The following USP11 variants were observed in gnomAD, a reference collection of about 807,000 sequenced individuals.
USP11 encodes ubiquitin carboxyl-terminal hydrolase 11.
In USP11, 5 loss-of-function variants were observed where a neutral mutation model predicts 72.8. The observed-to-expected ratio is 0.07, with a 90% CI of 0.04 to 0.14. USP11 has a LOEUF of 0.14. Among genes scored for constraint, USP11 ranks in the 10% least tolerant of loss-of-function variants. The pLI is 1.00. For missense variants in USP11, 480 were observed against 794.7 expected (o/e 0.60, Z 4.76); for synonymous variants, 368 against 326.5 (o/e 1.13, Z -1.37).
chrX:47,238,802 A>G (rs868678478), intron 1 of USP11, among the ~76,000 whole-genome samples: 1 of 111,435 alleles, frequency 9.0e-6, no homozygotes, highest in African/African-American at 3.3e-5. Flanking sequence ...CTAGCACTAT[A>G]AGTATGGATT....
intron 1 of USP11, among the ~76,000 whole-genome samples, chrX:47,235,401 A>G (rs1432753561): frequency 1.2e-4 from 13 of 111,890 alleles, no homozygotes; most frequent in Admixed American, 1.0e-3. Context: ...AGCTTTCTCA[A>G]CTGTAAAGGT....
chrX:47,241,938 C>A, intron 9 of USP11, 144 bp from the exon 10 acceptor site: 1 of 747,592 alleles, frequency 1.3e-6, no homozygotes, highest in Non-Finnish European at 1.9e-6. Flanking sequence ...TGACCGTGAA[C>A]ATAGTCTCTG....
intron 13 of USP11, among the ~76,000 whole-genome samples, chrX:47,244,245 C>T (rs1043160774): frequency 4.6e-5 from 5 of 109,436 alleles, no homozygotes; most frequent in African/African-American, 1.0e-4. Flanking sequence ...ATTACAGCCG[C>T]GCGCCACCAC....
chrX:47,246,920 C>T, intron 17 of USP11, 152 bp from the exon 18 acceptor site: 1 of 687,529 alleles, frequency 1.5e-6, no homozygotes, highest in East Asian at 3.6e-5. Flanking sequence ...ACTCGGGAGG[C>T]TGAGGCAGGA....
At chrX:47,242,595 T>TAAC (rs2055409265) in intron 11 of USP11, 31 bp from the exon 12 acceptor site, 1 of 1,204,258 alleles carries the variant, frequency 8.3e-7, no homozygotes, top group Non-Finnish European at 1.1e-6. Context: ...CCGTGCAGAC[T>TAAC]AACAGTCCCC....
chrX:47,247,727 T>C (rs969714987), intron 20 of USP11, 28 bp downstream of exon 20: 2 of 1,206,744 alleles, frequency 1.7e-6, no homozygotes, highest in East Asian at 3.0e-5. Flanking sequence ...CCTCCTCCCC[T>C]TCTTCCTTTC....
rs367816815 is a variant in USP11 at position 47,245,444 on chromosome X, C to T, written c.2232C>T (p.Leu744=). The T allele has an allele frequency of 3.3e-5, 40 of 1,209,336 alleles. No individual in the cohort carries two copies. Among genetic ancestry groups the T allele is most frequent in the Non-Finnish European group, 3.8e-5 (34 of 894,617 alleles). The change falls in exon 17 of 21, where the codon CTC becomes CTT. Residue 744 remains leucine (L), a synonymous_variant. Transcript: ENST00000377107. The stretch of plus-strand genomic sequence containing the variant: ...TGCGGCTGCAGGAGTGCATTGAGCT[C>T]TTCACCACTGTGGAGACCCTGGAGA... ...APVRLQECIE[L]FTTVETLEKE...
In USP11 at chrX:47,242,309, G is replaced by A. The variant is rs371785440; in HGVS notation, c.1404+3G>A. 1 of 1,208,587 alleles carries A rather than the reference G, an allele frequency of 8.3e-7. No individual in the cohort carries two copies. Among genetic ancestry groups the A allele is most frequent in the African/African-American group, 1.7e-5 (1 of 57,403 alleles). ...ATCCGCGCCGCAAGCCAGAGCAGGT[G>A]TGGGGCAGTGGGGGCCTGGGGAGAT... On this transcript the variant is annotated splice_donor_region_variant and intron_variant, in intron 10 of 20. Transcript: ENST00000377107.
intron 3 of USP11, 49 bp from the exon 4 acceptor site, chrX:47,239,741 G>A (rs143648077): frequency 1.8e-5 from 21 of 1,145,965 alleles, no homozygotes; most frequent in East Asian, 3.0e-5. Flanking sequence ...AGGTCACAGC[G>A]CTGTGTCTGT....
chrX:47,234,761 AT>A (rs1342590383), intron 1 of USP11, among the ~76,000 whole-genome samples: 1 of 112,099 alleles, frequency 8.9e-6, no homozygotes, highest in Non-Finnish European at 1.9e-5. Context: ...CCCCCAAAAA[AT>A]AAGTATGTGA....
rs1432544398 is a variant in USP11, at chrX:47,241,101, T to C, written c.847-176T>C. 12 of 573,646 alleles carry C rather than the reference T, an allele frequency of 2.1e-5. No homozygotes were observed. In the South Asian group the frequency reaches 3.4e-4, roughly 16 times the overall value. 47.3% of individuals were successfully genotyped at this position (573,646 alleles called of 1,213,427 possible). On this transcript the variant is annotated intron_variant, in intron 7 of 20. Coordinates refer to ENST00000377107, the MANE Select transcript of USP11 (RefSeq NM_001371072.1). ...TCTTCTCTTCCCTGTTCCCACGTTC[T>C]TCCTTCTCGTGAAATCCTAATGCCT...
At position 47,239,299 on chromosome X, in the gene USP11, G is replaced by A. The variant is rs146538695; in HGVS notation, c.287-52G>A. On this transcript the variant is annotated intron_variant, in intron 2 of 20. Transcript: ENST00000377107. ...ACTGGTGGGGTGGCCAGAGTCATTCGTCAGTTTCCTTTGTTGATTCTTCCT... is the reference window on the plus strand; with the variant it reads ...ACTGGTGGGGTGGCCAGAGTCATTCATCAGTTTCCTTTGTTGATTCTTCCT... The A allele has an allele frequency of 4.7e-4, 563 of 1,194,638 alleles. 5 individuals carry two copies. The East Asian group carries it at 0.013, about 28-fold the overall frequency.
At chrX:47,236,263 T>C (rs934869035) in intron 1 of USP11, among the ~76,000 whole-genome samples, 8 of 112,661 alleles carry the variant, frequency 7.1e-5, no homozygotes, top group African/African-American at 2.6e-4. Flanking sequence ...TAAACTCCAC[T>C]TTGTTAATGC....
chrX:47,244,990 C>T, intron 15 of USP11, 26 bp from the exon 16 acceptor site: 3 of 1,211,584 alleles, frequency 2.5e-6, no homozygotes, highest in Non-Finnish European at 3.4e-6. Flanking sequence ...CAGCAGGATC[C>T]ATGACCACCT....
Position 47,235,432 on chromosome X carries a change from T to C in USP11, c.176+2213T>C, listed in dbSNP as rs1374913110. Among the ~76,000 whole-genome samples the C allele has an allele frequency of 4.5e-5, 5 of 111,845 alleles. No homozygotes were observed. The East Asian group carries it at 1.4e-3, about 31-fold the overall frequency. ...AAGGTACCATTTTCCTCTTTACATA[T>C]GCAGTAATTATTTTTAAAACATGTA... On this transcript the variant is annotated intron_variant, in intron 1 of 20. Coordinates refer to ENST00000377107, the MANE Select transcript of USP11 (RefSeq NM_001371072.1).
chrX:47,243,389 C>A lies in USP11; in HGVS notation c.1584-7C>A, dbSNP rs1437078465. On this transcript the variant is annotated splice_polypyrimidine_tract_variant and splice_region_variant and intron_variant, in intron 12 of 20. Coordinates refer to ENST00000377107, the MANE Select transcript of USP11 (RefSeq NM_001371072.1). The stretch of plus-strand genomic sequence containing the variant: ...GATCAGGTGTGCCTGCTGTCCACCC[C>A]CCACAGCTATGAGGTGTCAGGTCGC... 7 of 1,210,665 alleles carry A rather than the reference C, an allele frequency of 5.8e-6. No homozygotes were observed. The highest frequency in any genetic ancestry group is 7.8e-6 in the Non-Finnish European group (7 of 895,155).
chrX:47,245,983 C>T (rs1185973345), intron 17 of USP11, among the ~76,000 whole-genome samples: 1 of 111,591 alleles, frequency 9.0e-6, no homozygotes, highest in African/African-American at 3.3e-5. Flanking sequence ...GAATGTTGTT[C>T]CCAGTGATCT....
At chrX:47,243,638 G>A in intron 13 of USP11, 36 bp downstream of exon 13, 5 of 1,178,634 alleles carry the variant, frequency 4.2e-6, no homozygotes, top group Non-Finnish European at 5.8e-6. Flanking sequence ...GGGGGCGGAG[G>A]GGTCTGAACT....
chrX:47,233,258 G>A, intron 1 of USP11, 39 bp downstream of exon 1: 1 of 1,129,600 alleles, frequency 8.9e-7, no homozygotes, highest in Non-Finnish European at 1.2e-6. Flanking sequence ...CAGAGGGAAC[G>A]GTGGGGGCAT....
Sources: allele counts gnomAD v4.1 joint callset (sites outside exome capture counted in the v4.1 genomes callset), GRCh38; gene constraint gnomAD v4.1.1; transcripts MANE v1.5; gene names NCBI Gene and HGNC (gene_info 2026-07-23, HGNC 2026-07-21).